Variants in CACNA2D3 observed in about 807,000 individuals in gnomAD.
CACNA2D3 encodes the protein voltage-dependent calcium channel subunit alpha-2/delta-3.
A neutral mutation model predicts 160.6 loss-of-function variants in CACNA2D3; 60 were observed. The ratio of observed to expected loss-of-function variants is 0.37; its 90% confidence interval spans 0.30 to 0.46. The LOEUF is 0.46. Among genes scored for constraint, CACNA2D3 ranks in the 20% least tolerant of loss-of-function variants. CACNA2D3 has a pLI of 1.00. For synonymous variants in CACNA2D3, 558 were observed against 492.9 expected, an observed-to-expected ratio of 1.13 and a Z score of -1.75; for missense variants, 1,205 against 1,365.0, an observed-to-expected ratio of 0.88 and a Z score of 1.85.
intron 2 of CACNA2D3, among the ~76,000 whole-genome samples, chr3:54,143,300 A>C (rs1699970169): frequency 6.6e-6 from 1 of 152,206 alleles, no homozygotes; most frequent in Non-Finnish European, 1.5e-5. Flanking sequence ...TGCTAGAGAC[A>C]AGAATTTCCT....
intron 14 of CACNA2D3, among the ~76,000 whole-genome samples, chr3:54,827,625 C>T (rs1192304549): frequency 6.6e-6 from 1 of 152,078 alleles, no homozygotes; most frequent in African/African-American, 2.4e-5. Context: ...AGTCTCAGTC[C>T]AACCACATTG....
intron 3 of CACNA2D3, among the ~76,000 whole-genome samples, chr3:54,322,039 A>G (rs899998447): frequency 2.0e-5 from 3 of 152,166 alleles, no homozygotes; most frequent in East Asian, 1.9e-4. Context: ...GGACATAAAT[A>G]TCTTTAGGTT....
chr3:54,917,214 G>T lies in CACNA2D3; in HGVS notation c.2449+17346G>T, dbSNP rs548937677. Reference sequence around the variant, plus strand: ...CTATTACAGAAAGATTCCATGAAAGGTTCCTTTAAATAGCCAGCTCCCCTA... The same window carrying T: ...CTATTACAGAAAGATTCCATGAAAGTTTCCTTTAAATAGCCAGCTCCCCTA... On this transcript the variant is annotated intron_variant, in intron 27 of 37. Transcript: ENST00000474759. Among the ~76,000 whole-genome samples the T allele has an allele frequency of 1.3e-4, 20 of 152,254 alleles. No homozygotes were observed. In the East Asian group the frequency reaches 2.7e-3, roughly 21 times the overall value.
intron 11 of CACNA2D3, among the ~76,000 whole-genome samples, chr3:54,679,275 A>G (rs574482712): frequency 3.9e-5 from 6 of 152,154 alleles, no homozygotes; most frequent in Admixed American, 3.9e-4. Flanking sequence ...GGCTGCAAAG[A>G]CTAGCCTGCT....
intron 2 of CACNA2D3, among the ~76,000 whole-genome samples, chr3:54,207,142 C>CAT (rs1355231552): frequency 1.1e-4 from 17 of 151,408 alleles, no homozygotes; most frequent in Admixed American, 3.3e-4. Flanking sequence ...GAAATGTAGT[C>CAT]TTCTTGGGTG....
intron 11 of CACNA2D3, among the ~76,000 whole-genome samples, chr3:54,710,908 A>T (rs1428960951): frequency 6.6e-6 from 1 of 152,218 alleles, no homozygotes; most frequent in Non-Finnish European, 1.5e-5. Context: ...AATGTTAAAA[A>T]GTCAGAGGCC....
chr3:54,273,071 T>G (rs1168635627), intron 2 of CACNA2D3: 5 of 152,326 alleles, frequency 3.3e-5, no homozygotes, highest in Non-Finnish European at 5.9e-5. Context: ...CAGCTGCACG[T>G]CCAGCTCTTC....
At position 54,822,803 on chromosome 3, in the gene CACNA2D3, CTTTCTTTCTTTCTTTCTTTCTTTCTTTCT is replaced by C. The variant is rs1559595711; in HGVS notation, c.1398+5966_1398+5994del. 2.4e-3 allele frequency among the ~76,000 whole-genome samples: 188 copies of C among 78,698 alleles called. 5 individuals are homozygous for C. Among genetic ancestry groups the C allele is most frequent in the East Asian group, 4.3e-3 (12 of 2,808 alleles). The allele number at this position is 78,698 out of a possible 152,430, so 51.6% of individuals were successfully genotyped here. ...CTTTCTTTCTTTCCTTTCTTTCTTTCTTTCTTTCTTTCTTTCTTTCTTTCTTTCTTTTCTTTCTTTCTTTCTTTCTTTCT... is the reference window on the plus strand; with the variant it reads ...CTTTCTTTCTTTCCTTTCTTTCTTTCTTTCTTTCTTTCTTTCTTTCTTTCT... On this transcript the variant is annotated intron_variant, in intron 14 of 37. Coordinates refer to ENST00000474759, the MANE Select transcript of CACNA2D3 (RefSeq NM_018398.3).
chr3:54,318,936 T>C (rs1221535245), intron 2 of CACNA2D3, among the ~76,000 whole-genome samples: 1 of 152,146 alleles, frequency 6.6e-6, no homozygotes, highest in African/African-American at 2.4e-5. Context: ...GGTATCTTGC[T>C]GCTCCTAGAA....
intron 27 of CACNA2D3, among the ~76,000 whole-genome samples, chr3:54,904,653 T>C (rs1225109221): frequency 6.6e-6 from 1 of 152,208 alleles, no homozygotes; most frequent in African/African-American, 2.4e-5. Flanking sequence ...AAGACCCAAT[T>C]ATCTTTTTAT....
chr3:54,187,610 G>A (rs1002956569), intron 2 of CACNA2D3, among the ~76,000 whole-genome samples: 2 of 152,134 alleles, frequency 1.3e-5, no homozygotes, highest in Non-Finnish European at 2.9e-5. Context: ...TGATTGACTA[G>A]GGCAGCAGTC....
At chr3:55,062,314 A>G (rs6770492) in intron 35 of CACNA2D3, among the ~76,000 whole-genome samples, 18,201 of 149,026 alleles carry the variant, frequency 0.12, 2,019 homozygotes, top group East Asian at 0.28. Flanking sequence ...GCCTCACTAT[A>G]AGTTTCCCAG....
chr3:54,364,890 CAT>C (rs1698803373), intron 3 of CACNA2D3, among the ~76,000 whole-genome samples: 1 of 152,198 alleles, frequency 6.6e-6, no homozygotes, highest in Admixed American at 6.5e-5. Context: ...TGACTAATAA[CAT>C]ATTGAACTCC....
chr3:54,678,751 T>TAAAAAAA (rs1700289718), intron 11 of CACNA2D3, among the ~76,000 whole-genome samples: 1 of 75,686 alleles, frequency 1.3e-5, no homozygotes, highest in Non-Finnish European at 3.3e-5. Context: ...AAAAAAAAAG[T>TAAAAAAA]TGATGATCAA....
At chr3:54,682,452 C>G (rs959388299) in intron 11 of CACNA2D3, among the ~76,000 whole-genome samples, 2 of 151,888 alleles carry the variant, frequency 1.3e-5, no homozygotes, top group African/African-American at 2.4e-5. Context: ...ATGACGAAAC[C>G]CTGTCTCTAC....
chr3:54,580,592 T>C (rs1702658924), intron 8 of CACNA2D3, among the ~76,000 whole-genome samples: 1 of 152,142 alleles, frequency 6.6e-6, no homozygotes, highest in Non-Finnish European at 1.5e-5. Context: ...AGATATACCA[T>C]AACGCTGTCA....
intron 5 of CACNA2D3, among the ~76,000 whole-genome samples, chr3:54,560,605 T>A (rs1702309275): frequency 1.3e-5 from 2 of 152,216 alleles, no homozygotes; most frequent in South Asian, 4.1e-4. Flanking sequence ...CAATTTTTGC[T>A]TTTGTTGCAA....
At chr3:54,296,592 C>G (rs1163764653) in intron 2 of CACNA2D3, among the ~76,000 whole-genome samples, 2 of 152,206 alleles carry the variant, frequency 1.3e-5, no homozygotes, top group Non-Finnish European at 2.9e-5. Context: ...ACATTATCCT[C>G]TAATAACGGG....
chr3:54,263,055 T>G (rs942452440), intron 2 of CACNA2D3, among the ~76,000 whole-genome samples: 9 of 152,236 alleles, frequency 5.9e-5, no homozygotes, highest in African/African-American at 2.2e-4. Context: ...TACTTCCACA[T>G]GTGTGTGGTG....
Sources: allele counts gnomAD v4.1 joint callset (sites outside exome capture counted in the v4.1 genomes callset), GRCh38; gene constraint gnomAD v4.1.1; transcripts MANE v1.5; gene names NCBI Gene and HGNC (gene_info 2026-07-23, HGNC 2026-07-21).